TLL2: variants seen among roughly 807,000 people sequenced by gnomAD.
TLL2 encodes the protein tolloid like 2, also known as tolloid-like protein 2.
TLL2 carries 106 observed loss-of-function variants against 123.0 expected under a neutral mutation model. The observed-to-expected ratio is 0.86, with a 90% CI of 0.74 to 1.01. TLL2 has a LOEUF of 1.01. Among genes scored for constraint, TLL2 ranks in the 50% least tolerant of loss-of-function variants. The pLI, the probability that TLL2 is intolerant of heterozygous loss-of-function variation, is 0.00. For synonymous variants in TLL2, 494 were observed against 516.8 expected (o/e 0.96, Z 0.60); for missense variants, 1,332 against 1,336.7 (o/e 1.00, Z 0.06).
chr10:96,435,860 G>A (rs1846790802), intron 3 of TLL2, among the ~76,000 whole-genome samples: 2 of 152,108 alleles, frequency 1.3e-5, no homozygotes, highest in South Asian at 4.2e-4. Context: ...ATTTCTCTCT[G>A]ACGTCTTGTT....
At chr10:96,375,432 GC>G (rs1349920441) in intron 18 of TLL2, 1 of 152,164 alleles carries the variant, frequency 6.6e-6, no homozygotes, top group Non-Finnish European at 1.5e-5. Context: ...GTGCGTTTGC[GC>G]GCTCCCAACG....
At position 96,395,171 on chromosome 10, in the gene TLL2, A is replaced by G. The variant is rs1332720182; in HGVS notation, c.1726+16T>C. 1 of 1,581,838 alleles carries G rather than the reference A, an allele frequency of 6.3e-7. No homozygotes were observed. The highest frequency in any genetic ancestry group is 1.4e-5 in the African/African-American group (1 of 73,868). ...CTTCTTGTGCCTAAAAGTGGAAACAAACTGCTAATTCATACCCTTGAAAAA... is the reference window on the plus strand; with the variant it reads ...CTTCTTGTGCCTAAAAGTGGAAACAGACTGCTAATTCATACCCTTGAAAAA... On this transcript the variant is annotated intron_variant, in intron 13 of 20. Transcript: ENST00000357947.
chr10:96,446,912 CAA>C (rs1678278380), intron 2 of TLL2, among the ~76,000 whole-genome samples: 1 of 152,204 alleles, frequency 6.6e-6, no homozygotes, highest in African/African-American at 2.4e-5. Context: ...TTCCTGCTCT[CAA>C]GAGGTGTCCA....
intron 7 of TLL2, 34 bp downstream of exon 7, chr10:96,420,922 A>G: frequency 6.3e-7 from 1 of 1,599,732 alleles, no homozygotes; most frequent in South Asian, 1.1e-5. Flanking sequence ...CAGGCACAGT[A>G]AAACACAGAC....
At chr10:96,416,290 G>A (rs1413094599) in intron 7 of TLL2, among the ~76,000 whole-genome samples, 2 of 152,214 alleles carry the variant, frequency 1.3e-5, no homozygotes, top group South Asian at 4.1e-4. Context: ...GCCACATCAC[G>A]TAGATGACTT....
intron 9 of TLL2, 124 bp from the exon 10 acceptor site, chr10:96,405,458 A>C: frequency 1.2e-6 from 1 of 818,234 alleles, no homozygotes; most frequent in Non-Finnish European, 2.0e-6. Flanking sequence ...CCACGGTAGG[A>C]GTGTTGTCTC....
chr10:96,397,393 G>C (rs879144541), intron 10 of TLL2, 91 bp from the exon 11 acceptor site: 6 of 908,610 alleles, frequency 6.6e-6, no homozygotes, highest in East Asian at 2.6e-5. Context: ...TTCTTCACAC[G>C]TGGTTTGAAG....
At position 96,365,904 on chromosome 10, in the gene TLL2, A is replaced by G. The variant is rs1310232752; in HGVS notation, c.*2184T>C. 6.6e-6 allele frequency: 1 copy of G among 152,240 alleles called. No individual in the cohort carries two copies. Among genetic ancestry groups the G allele is most frequent in the East Asian group, 1.9e-4 (1 of 5,202 alleles). 9.4% of individuals were successfully genotyped at this position (152,240 alleles called of 1,614,324 possible). On this transcript the variant is annotated 3_prime_UTR_variant, in exon 21 of 21. Transcript: ENST00000357947. ...TTGTTGAAGCTGTGTGTTTTTGAAA[A>G]TGTTCATACTAAAGAGATAAAAAGA...
chr10:96,502,446 G>A (rs1847544206), intron 1 of TLL2, among the ~76,000 whole-genome samples: 1 of 152,194 alleles, frequency 6.6e-6, no homozygotes, highest in Non-Finnish European at 1.5e-5. Context: ...TGTGAGCTTG[G>A]ACCAGTGGCA....
At position 96,513,765 on chromosome 10, in the gene TLL2, C is replaced by G. The variant is rs896100361; in HGVS notation, c.-80G>C. 74 of 1,366,458 alleles carry G rather than the reference C, an allele frequency of 5.4e-5. No individual in the cohort carries two copies. Among genetic ancestry groups the G allele is most frequent in the Admixed American group, 1.4e-4 (5 of 34,802 alleles). 84.6% of individuals were successfully genotyped at this position (1,366,458 alleles called of 1,614,324 possible). ...GGCCGAAAGACGGCGCACACTGGGTCGGTCGGCTCCGGCCGGGACTCGGTG... is the reference window on the plus strand; with the variant it reads ...GGCCGAAAGACGGCGCACACTGGGTGGGTCGGCTCCGGCCGGGACTCGGTG... On this transcript the variant is annotated 5_prime_UTR_variant, in exon 1 of 21. Coordinates refer to ENST00000357947, the MANE Select transcript of TLL2 (RefSeq NM_012465.4).
chr10:96,425,479 A>G (rs1230789058), intron 5 of TLL2, among the ~76,000 whole-genome samples: 1 of 151,854 alleles, frequency 6.6e-6, no homozygotes, highest in Non-Finnish European at 1.5e-5. Context: ...GTATCCCTAC[A>G]TCAGGAAGCA....
intron 5 of TLL2, among the ~76,000 whole-genome samples, chr10:96,423,024 A>T (rs1846641211): frequency 6.6e-6 from 1 of 150,414 alleles, no homozygotes; most frequent in Admixed American, 6.7e-5. Flanking sequence ...GCTACTTGGG[A>T]GGTTGAGGCA....
At position 96,368,345 on chromosome 10, in the gene TLL2, G is replaced by A. The variant is rs924503469; in HGVS notation, c.2914-123C>T. 7 of 1,146,406 alleles carry A rather than the reference G, an allele frequency of 6.1e-6. No individual in the cohort carries two copies. The Admixed American group carries it at 7.3e-5, about 12-fold the overall frequency. The allele number at this position is 1,146,406 out of a possible 1,614,324, so 71.0% of individuals were successfully genotyped here. A position where few individuals can be genotyped will look rare whatever the true frequency, so the allele number is the denominator to read the frequency against. On this transcript the variant is annotated intron_variant, in intron 20 of 20. Transcript: ENST00000357947. ...TGTCTCTGGTACCAGAGACTCTGAA[G>A]GGCATCCAAACAAGCTCCTTTTCAA...
intron 2 of TLL2, among the ~76,000 whole-genome samples, chr10:96,478,534 GA>G (rs1328493062): frequency 5.9e-5 from 9 of 152,336 alleles, no homozygotes; most frequent in African/African-American, 2.2e-4. Context: ...CTACGTCCAA[GA>G]ATGACTGCAG....
Position 96,386,963 on chromosome 10 carries a change from C to G in TLL2, c.1842G>C (p.Lys614Asn). Reference sequence around the variant, plus strand: ...AGGTCCCACACCAACCTTCACACATCTTCTTATCGGCGGCCAGCTCGTAGC... The same window carrying G: ...AGGTCCCACACCAACCTTCACACATGTTCTTATCGGCGGCCAGCTCGTAGC... ...DPGYELAADKKMCEVACGGFI... is the reference protein window; with the variant it reads ...DPGYELAADKNMCEVACGGFI... Residue 614 changes from lysine to asparagine, a missense_variant, in exon 14 of 21, where the codon AAG (lysine) becomes AAC (asparagine). Lys to Asn is a moderately conservative substitution (Grantham distance 94, BLOSUM62 0). Transcript: ENST00000357947. 1 of 1,613,704 alleles carries G rather than the reference C, an allele frequency of 6.2e-7. No homozygotes were observed. Among genetic ancestry groups the G allele is most frequent in the Middle Eastern group, 1.7e-4 (1 of 6,060 alleles).
intron 1 of TLL2, among the ~76,000 whole-genome samples, chr10:96,487,563 G>A (rs1847369538): frequency 6.6e-6 from 1 of 152,182 alleles, no homozygotes; most frequent in Admixed American, 6.5e-5. Context: ...GGGGGTTGAA[G>A]TAGGTGGAGT....
rs577340790 is a variant in TLL2, at chr10:96,503,834, C to T, written c.175+9677G>A. On this transcript the variant is annotated intron_variant, in intron 1 of 20. Coordinates refer to ENST00000357947, the MANE Select transcript of TLL2 (RefSeq NM_012465.4). ...AAGGATAAAGAAAAAGATAGGGAGACGGTCATGGGCTTTGGTGCTCAGGGA... is the reference window on the plus strand; with the variant it reads ...AAGGATAAAGAAAAAGATAGGGAGATGGTCATGGGCTTTGGTGCTCAGGGA... 3.3e-5 allele frequency among the ~76,000 whole-genome samples: 5 copies of T among 152,334 alleles called. No individual in the cohort carries two copies. The South Asian group carries it at 6.2e-4, about 19-fold the overall frequency.
At chr10:96,405,898 T>A (rs1288396149) in intron 9 of TLL2, among the ~76,000 whole-genome samples, 6 of 152,186 alleles carry the variant, frequency 3.9e-5, no homozygotes, top group Admixed American at 3.9e-4. Context: ...CAGCCTGTGC[T>A]GGCCAATTGA....
rs907306268 is a variant in TLL2 at position 96,385,962 on chromosome 10, A to G, written c.2013+93T>C. 6 of 1,329,080 alleles carry G rather than the reference A, an allele frequency of 4.5e-6. No individual in the cohort carries two copies. The African/African-American group carries it at 7.5e-5, about 17-fold the overall frequency. The allele number at this position is 1,329,080 out of a possible 1,614,324, so 82.3% of individuals were successfully genotyped here. On this transcript the variant is annotated intron_variant, in intron 15 of 20. Coordinates refer to ENST00000357947, the MANE Select transcript of TLL2 (RefSeq NM_012465.4). ...ACTGTCCAAAGCTTCAGTCAACACA[A>G]GCCATCTCCCTGCCCTCCCAGCCCC...
Sources: allele counts gnomAD v4.1 joint callset (sites outside exome capture counted in the v4.1 genomes callset), GRCh38; gene constraint gnomAD v4.1.1; transcripts MANE v1.5; gene names NCBI Gene and HGNC (gene_info 2026-07-23, HGNC 2026-07-21).